The following MRAP2 variants were observed in gnomAD, a reference collection of about 807,000 sequenced individuals.
MRAP2 encodes melanocortin 2 receptor accessory protein 2.
A neutral mutation model predicts 17.4 loss-of-function variants in MRAP2; 20 were observed. The ratio of observed to expected loss-of-function variants is 1.15; its 90% CI spans 0.81 to 1.67. The LOEUF is 1.67. Among genes scored for constraint, MRAP2 ranks in the 40% most tolerant of loss-of-function variants. The pLI is 0.00. For synonymous variants in MRAP2, 96 were observed against 88.4 expected, an observed-to-expected ratio of 1.09 and a Z score of -0.48; for missense variants, 238 against 240.0, an observed-to-expected ratio of 0.99 and a Z score of 0.05.
chr6:84,055,628 G>A (rs2099491528), intron 2 of MRAP2, among the ~76,000 whole-genome samples, 183 bp downstream of exon 2: 1 of 152,162 alleles, frequency 6.6e-6, no homozygotes, highest in African/African-American at 2.4e-5. Context: ...TGGTACAGGA[G>A]GGCCTTGGTG....
the MRAP2 span, among the ~76,000 whole-genome samples, chr6:84,104,277 C>A: frequency 9.4e-4 from 143 of 152,250 alleles, 2 homozygotes; most frequent in Admixed American, 9.2e-3. Context: ...CTGGTTCCTG[C>A]CCACGAAACC....
At chr6:84,131,868 A>G in the MRAP2 span, among the ~76,000 whole-genome samples, 3 of 152,118 alleles carry the variant, frequency 2.0e-5, no homozygotes, top group Non-Finnish European at 4.4e-5. Flanking sequence ...TTATGTGTGA[A>G]TTTGATCCTG....
At chr6:84,037,552 GGCAGT>G (rs1363669733) in intron 1 of MRAP2, among the ~76,000 whole-genome samples, 5 of 149,848 alleles carry the variant, frequency 3.3e-5, no homozygotes, top group African/African-American at 1.3e-4. Context: ...GGGAGGCTCG[GGCAGT>G]GCGGGAGCCC....
chr6:84,085,487 G>A (rs779617621), intron 3 of MRAP2, among the ~76,000 whole-genome samples: 1 of 152,162 alleles, frequency 6.6e-6, no homozygotes, highest in Non-Finnish European at 1.5e-5. Flanking sequence ...GTTTAGACTG[G>A]TGTCTTACAC....
rs1491300053 is a variant in MRAP2, at chr6:84,084,893, ATT to A, written c.228-4195_228-4194del. On this transcript the variant is annotated intron_variant, in intron 3 of 3. Transcript: ENST00000257776. ...ATTTTATTTTATTTTATTTTATTTT[ATT>A]TTATTTTATTTTATTTTATTTATTT... 2.0e-4 allele frequency among the ~76,000 whole-genome samples: 25 copies of A among 126,076 alleles called. 1 individual carries two copies. The highest frequency in any genetic ancestry group is 1.3e-3 in the Admixed American group (17 of 13,130). 82.7% of individuals were successfully genotyped at this position (126,076 alleles called of 152,430 possible).
intron 3 of MRAP2, among the ~76,000 whole-genome samples, chr6:84,085,275 C>T (rs989872213): frequency 2.6e-5 from 4 of 152,030 alleles, no homozygotes; most frequent in East Asian, 1.9e-4. Flanking sequence ...AGGATGGTCT[C>T]GATCTCCTGA....
chr6:84,063,896 T>A (rs926774534), intron 3 of MRAP2, among the ~76,000 whole-genome samples: 1 of 151,742 alleles, frequency 6.6e-6, no homozygotes, highest in African/African-American at 2.4e-5. Context: ...ATACAAAAAA[T>A]TAGCCTGTTG....
intron 3 of MRAP2, among the ~76,000 whole-genome samples, chr6:84,073,488 C>T (rs1269203008): frequency 6.6e-6 from 1 of 152,154 alleles, no homozygotes; most frequent in Non-Finnish European, 1.5e-5. Context: ...TCTGTGGGTC[C>T]TCTTGGGATT....
intron 1 of MRAP2, among the ~76,000 whole-genome samples, chr6:84,045,761 TAA>T (rs34278166): frequency 6.8e-6 from 1 of 147,916 alleles, no homozygotes; most frequent in South Asian, 2.1e-4. Flanking sequence ...GACTGTCTCA[TAA>T]AAAAAAAAGT....
At chr6:84,112,790 G>A in the MRAP2 span, among the ~76,000 whole-genome samples, 1 of 152,030 alleles carries the variant, frequency 6.6e-6, no homozygotes, top group Admixed American at 6.6e-5. Context: ...CAGAGATTCT[G>A]GTACATCATG....
At chr6:84,102,209 A>C in the MRAP2 span, among the ~76,000 whole-genome samples, 2 of 152,260 alleles carry the variant, frequency 1.3e-5, no homozygotes, top group Non-Finnish European at 1.5e-5. Context: ...TTGTAGACAA[A>C]ATAATGCTAC....
chr6:84,071,495 G>A (rs1415853210), intron 3 of MRAP2, among the ~76,000 whole-genome samples: 2 of 152,132 alleles, frequency 1.3e-5, no homozygotes, highest in Non-Finnish European at 2.9e-5. Context: ...TAATGCTTCT[G>A]TCTCACAGCT....
the MRAP2 span, among the ~76,000 whole-genome samples, chr6:84,137,181 T>G: frequency 6.6e-6 from 1 of 152,224 alleles, no homozygotes; most frequent in Non-Finnish European, 1.5e-5. Flanking sequence ...TGAACTGCTG[T>G]GAGAATGACT....
In MRAP2 at chr6:84,089,740, G is replaced by A. The variant is rs553101657; in HGVS notation, c.*259G>A. The A allele has an allele frequency of 2.4e-5, 10 of 421,338 alleles. No homozygotes were observed. The highest frequency in any genetic ancestry group is 6.4e-4 in the Middle Eastern group (1 of 1,562). The allele number at this position is 421,338 out of a possible 1,614,324, so 26.1% of individuals were successfully genotyped here. A position where few individuals can be genotyped will look rare whatever the true frequency, so the allele number is the denominator to read the frequency against. On this transcript the variant is annotated 3_prime_UTR_variant, in exon 4 of 4. Transcript: ENST00000257776. ...TATTTACACCAAGCTTGTCCAACCCGTGGCATGTGTCCCAGGACAGCTTTG... is the reference window on the plus strand; with the variant it reads ...TATTTACACCAAGCTTGTCCAACCCATGGCATGTGTCCCAGGACAGCTTTG...
At chr6:84,097,927 G>A in the MRAP2 span, among the ~76,000 whole-genome samples, 3 of 152,148 alleles carry the variant, frequency 2.0e-5, no homozygotes, top group Non-Finnish European at 4.4e-5. Flanking sequence ...GCATTGAAGT[G>A]GGTCAGGACT....
At chr6:84,098,536 A>G in the MRAP2 span, among the ~76,000 whole-genome samples, 1 of 152,172 alleles carries the variant, frequency 6.6e-6, no homozygotes, top group African/African-American at 2.4e-5. Context: ...TCTTTTTAAG[A>G]AACTGCTAAA....
intron 3 of MRAP2, among the ~76,000 whole-genome samples, chr6:84,086,304 A>G (rs558964337): frequency 6.6e-6 from 1 of 152,216 alleles, no homozygotes; most frequent in Non-Finnish European, 1.5e-5. Flanking sequence ...TGCCAGTTCC[A>G]GGTTGGACAG....
chr6:84,127,271 GAACT>G, the MRAP2 span, among the ~76,000 whole-genome samples: 15 of 152,040 alleles, frequency 9.9e-5, no homozygotes, highest in South Asian at 2.1e-4. Context: ...AAAATGGATA[GAACT>G]AACAATAACT....
At chr6:84,109,549 A>G in the MRAP2 span, among the ~76,000 whole-genome samples, 1 of 152,012 alleles carries the variant, frequency 6.6e-6, no homozygotes, top group Non-Finnish European at 1.5e-5. Context: ...TATTAGTTTA[A>G]GAAGCTTTTG....
Sources: allele counts gnomAD v4.1 joint callset (sites outside exome capture counted in the v4.1 genomes callset), GRCh38; gene constraint gnomAD v4.1.1; transcripts MANE v1.5; gene names NCBI Gene and HGNC (gene_info 2026-07-23, HGNC 2026-07-21).